Variants in PCDHA10 observed in about 807,000 individuals in gnomAD.
The protein encoded by PCDHA10 is protocadherin alpha 10.
Under a neutral mutation model 61.2 loss-of-function variants are expected in PCDHA10, and 45 were observed. The ratio of observed to expected loss-of-function variants is 0.74; its 90% CI spans 0.58 to 0.94. The LOEUF (loss-of-function observed/expected upper bound fraction) is 0.94. Among genes scored for constraint, PCDHA10 ranks in the 40% least tolerant of loss-of-function variants. The pLI is 0.00. For synonymous variants in PCDHA10, 602 were observed against 548.8 expected, an observed-to-expected ratio of 1.10 and a Z score of -1.35; for missense variants, 1,278 against 1,236.2, an observed-to-expected ratio of 1.03 and a Z score of -0.51.
At chr5:140,971,689 T>C (rs149234216) in intron 1 of PCDHA10, among the ~76,000 whole-genome samples, 1 of 152,306 alleles carries the variant, frequency 6.6e-6, no homozygotes, top group East Asian at 1.9e-4. Context: ...GAATTTGTAC[T>C]CACTAACCAC....
chr5:140,976,414 G>A (rs1242756697), intron 1 of PCDHA10, among the ~76,000 whole-genome samples: 2 of 151,998 alleles, frequency 1.3e-5, no homozygotes, highest in African/African-American at 2.4e-5. Context: ...AGCCAGGTAC[G>A]GTGGCAGATG....
intron 1 of PCDHA10, chr5:140,966,707 A>G (rs539562297): frequency 7.2e-7 from 1 of 1,379,868 alleles, no homozygotes; most frequent in Admixed American, 3.5e-5. Context: ...GGCGTGGGGC[A>G]CGGCTGGGGA....
chr5:140,958,546 C>A (rs1366018855), intron 1 of PCDHA10, among the ~76,000 whole-genome samples: 3 of 152,034 alleles, frequency 2.0e-5, no homozygotes, highest in Non-Finnish European at 4.4e-5. Context: ...ATTTATGAAC[C>A]AATAAATGTT....
At chr5:140,937,705 G>T (rs892429555) in intron 1 of PCDHA10, among the ~76,000 whole-genome samples, 2 of 151,928 alleles carry the variant, frequency 1.3e-5, no homozygotes, top group Admixed American at 6.6e-5. Context: ...GAGGTCAGGA[G>T]ATCAAGACCA....
chr5:141,000,416 TATA>T lies in PCDHA10; in HGVS notation c.2537-9210_2537-9208del, dbSNP rs1254571264. Among the ~76,000 whole-genome samples the T allele has an allele frequency of 5.1e-3, 472 of 93,246 alleles. 2 individuals carry two copies. Among genetic ancestry groups the T allele is most frequent in the Non-Finnish European group, 6.8e-3 (330 of 48,634 alleles). 61.2% of individuals were successfully genotyped at this position (93,246 alleles called of 152,430 possible). On this transcript the variant is annotated intron_variant, in intron 3 of 3. Transcript: ENST00000307360. ...CTCTCTATATATATATATATATATA[TATA>T]TATTTTTTTTTTTTTTTTTTTTTTT...
At chr5:140,973,768 A>G (rs1408539146) in intron 1 of PCDHA10, among the ~76,000 whole-genome samples, 3 of 152,258 alleles carry the variant, frequency 2.0e-5, no homozygotes, top group African/African-American at 7.2e-5. Flanking sequence ...ACAGCCTGGC[A>G]TATTATAGGT....
intron 1 of PCDHA10, among the ~76,000 whole-genome samples, chr5:140,953,629 T>A (rs547651453): frequency 6.6e-6 from 1 of 152,298 alleles, no homozygotes; most frequent in East Asian, 1.9e-4. Context: ...TTGCTTTATG[T>A]ATTTTGGCCA....
intron 1 of PCDHA10, among the ~76,000 whole-genome samples, chr5:140,917,340 T>TG (rs2078149834): frequency 7.5e-6 from 1 of 132,986 alleles, no homozygotes; most frequent in Non-Finnish European, 1.6e-5. Context: ...AGGGGGGGGA[T>TG]GGTGTAGGCT....
chr5:140,900,141 A>G (rs2067777266), intron 1 of PCDHA10, among the ~76,000 whole-genome samples: 1 of 152,202 alleles, frequency 6.6e-6, no homozygotes, highest in Middle Eastern at 3.2e-3. Context: ...ACAAATAAGT[A>G]AGAACATACG....
intron 3 of PCDHA10, among the ~76,000 whole-genome samples, chr5:140,993,560 A>G (rs2097572904): frequency 6.6e-6 from 1 of 151,740 alleles, no homozygotes; most frequent in Non-Finnish European, 1.5e-5. Context: ...AGTATATAGT[A>G]TCCTTTCTAG....
rs533936031 is a variant in PCDHA10, at chr5:140,883,438, G to A, written c.2388+25002G>A. 14 of 1,614,132 alleles carry A rather than the reference G, an allele frequency of 8.7e-6. No individual in the cohort carries two copies. The South Asian group carries it at 1.3e-4, about 15-fold the overall frequency. ...ATGGACAGGTCACCTGCACCTTGAC[G>A]CCGCATGTCCCCTTCAAGCTGGTGT... On this transcript the variant is annotated intron_variant, in intron 1 of 3. Coordinates refer to ENST00000307360, the MANE Select transcript of PCDHA10 (RefSeq NM_018901.4).
chr5:140,856,664 C>T lies in PCDHA10; in HGVS notation c.616C>T (p.Gln206Ter), dbSNP rs782626089. ...RKLLDREENPQLKLLLTATDG... is the reference protein window; with the variant it reads ...RKLLDREENP Reference sequence around the variant, plus strand: ...GCTGCTGGATCGTGAAGAAAATCCTCAGCTAAAGTTGTTGTTGACAGCAAC... The same window carrying T: ...GCTGCTGGATCGTGAAGAAAATCCTTAGCTAAAGTTGTTGTTGACAGCAAC... Residue 206 changes from glutamine to a stop codon, truncating the protein, a stop_gained, in exon 1 of 4, where the codon CAG becomes TAG. Transcript: ENST00000307360. LOFTEE classifies it high-confidence loss of function. 1 of 1,598,020 alleles carries T rather than the reference C, an allele frequency of 6.3e-7. No individual in the cohort carries two copies. Among genetic ancestry groups the T allele is most frequent in the Non-Finnish European group, 8.6e-7 (1 of 1,167,546 alleles).
intron 1 of PCDHA10, chr5:140,882,378 A>G: frequency 6.2e-7 from 1 of 1,614,186 alleles, no homozygotes; most frequent in Non-Finnish European, 8.5e-7. Flanking sequence ...TCCGTCCCCG[A>G]GGAAGCAAAA....
At chr5:140,895,677 G>T (rs1554186594) in intron 1 of PCDHA10, among the ~76,000 whole-genome samples, 2 of 151,984 alleles carry the variant, frequency 1.3e-5, no homozygotes, top group African/African-American at 4.8e-5. Flanking sequence ...GTAGTATTTG[G>T]TTTTCTGTTT....
At chr5:140,950,976 A>G (rs543425095) in intron 1 of PCDHA10, among the ~76,000 whole-genome samples, 188 of 151,348 alleles carry the variant, frequency 1.2e-3, no homozygotes, top group African/African-American at 4.3e-3. Flanking sequence ...AGATTCATTG[A>G]CTTTTGCCTC....
At position 140,858,524 on chromosome 5, in the gene PCDHA10, T is replaced by C. The variant is rs1562538927; in HGVS notation, c.2388+88T>C. 9 of 1,408,436 alleles carry C rather than the reference T, an allele frequency of 6.4e-6. 1 individual carries two copies. Among genetic ancestry groups the C allele is most frequent in the Admixed American group, 2.0e-5 (1 of 49,940 alleles). The allele number at this position is 1,408,436 out of a possible 1,614,324, so 87.2% of individuals were successfully genotyped here. A position where few individuals can be genotyped will look rare whatever the true frequency, so the allele number is the denominator to read the frequency against. On this transcript the variant is annotated intron_variant, in intron 1 of 3. Coordinates refer to ENST00000307360, the MANE Select transcript of PCDHA10 (RefSeq NM_018901.4). ...TTTCTCAAATATGTATCAGAATATT[T>C]CATTTTTGTCTACATTCCATTTATG...
At chr5:140,903,302 T>C (rs1299735621) in intron 1 of PCDHA10, among the ~76,000 whole-genome samples, 2 of 152,136 alleles carry the variant, frequency 1.3e-5, no homozygotes, top group Admixed American at 6.5e-5. Flanking sequence ...AAATTTAGTA[T>C]ACAATAAAGA....
intron 1 of PCDHA10, among the ~76,000 whole-genome samples, chr5:140,893,362 C>T (rs782554595): frequency 6.6e-5 from 10 of 152,110 alleles, no homozygotes; most frequent in African/African-American, 9.7e-5. Flanking sequence ...TACATGCCCA[C>T]CAACAGCATT....
At chr5:140,890,245 A>G (rs2062563165) in intron 1 of PCDHA10, among the ~76,000 whole-genome samples, 1 of 152,146 alleles carries the variant, frequency 6.6e-6, no homozygotes, top group Admixed American at 6.5e-5. Context: ...TTACCAGTAC[A>G]CTACTGCACC....
Sources: allele counts gnomAD v4.1 joint callset (sites outside exome capture counted in the v4.1 genomes callset), GRCh38; gene constraint gnomAD v4.1.1; transcripts MANE v1.5; gene names NCBI Gene and HGNC (gene_info 2026-07-23, HGNC 2026-07-21).